The following ANO4 variants were observed in gnomAD, a reference collection of about 807,000 sequenced individuals.
ANO4 encodes anoctamin-4.
ANO4 carries 69 observed loss-of-function variants against 141.9 expected under a neutral mutation model. That is an observed-to-expected ratio of 0.49 (90% CI 0.40 to 0.59). The LOEUF (loss-of-function observed/expected upper bound fraction) is 0.59. ANO4 is among the 20% of genes least tolerant of loss of function. The probability of loss-of-function intolerance (pLI) is 0.00; values close to 1 mark genes in which losing one functional copy is unlikely to be tolerated. For synonymous variants in ANO4, 350 were observed against 394.3 expected (o/e 0.89, Z 1.33); for missense variants, 894 against 1,162.2 (o/e 0.77, Z 3.36).
intron 3 of ANO4, among the ~76,000 whole-genome samples, chr12:100,762,474 C>T (rs1353970801): frequency 6.6e-6 from 1 of 152,166 alleles, no homozygotes. Context: ...TTTGACTAGA[C>T]TACCTTTTCC....
chr12:100,820,538 G>A (rs901916107), intron 1 of ANO4, among the ~76,000 whole-genome samples: 2 of 151,872 alleles, frequency 1.3e-5, no homozygotes, highest in South Asian at 2.1e-4. Flanking sequence ...AATGTAAGTC[G>A]GCAAGCTTAT....
chr12:101,054,930 G>C (rs4764633), intron 14 of ANO4, among the ~76,000 whole-genome samples: 20,774 of 152,184 alleles, frequency 0.14, 1,546 homozygotes, highest in Non-Finnish European at 0.15. Context: ...ATAGCATTTT[G>C]TGTCTGGCTA....
At chr12:100,734,521 C>T (rs895806685) in intron 2 of ANO4, among the ~76,000 whole-genome samples, 1 of 152,192 alleles carries the variant, frequency 6.6e-6, no homozygotes, top group Non-Finnish European at 1.5e-5. Context: ...GCTTATTTTG[C>T]ACTTATTGCC....
At chr12:100,724,011 C>CA (rs1192087020) in intron 1 of ANO4, among the ~76,000 whole-genome samples, 2 of 109,846 alleles carry the variant, frequency 1.8e-5, no homozygotes, top group African/African-American at 9.2e-5. Flanking sequence ...GGAAGCAAAA[C>CA]AAAAACAAAC....
chr12:100,924,563 G>A lies in ANO4; in HGVS notation c.160+2233G>A, dbSNP rs554460116. On this transcript the variant is annotated intron_variant, in intron 3 of 27. Transcript: ENST00000392977. Reference sequence around the variant, plus strand: ...TATAAGGGGATCAGCTATTTATTCCGGTTGAACAATCCCTTTATATTACAT... The same window carrying A: ...TATAAGGGGATCAGCTATTTATTCCAGTTGAACAATCCCTTTATATTACAT... Among the ~76,000 whole-genome samples, 8 of 152,052 alleles carry A rather than the reference G, an allele frequency of 5.3e-5. No homozygotes were observed. In the East Asian group the frequency reaches 9.7e-4, roughly 18 times the overall value.
At chr12:100,955,262 G>A (rs491847) in intron 5 of ANO4, among the ~76,000 whole-genome samples, 40,448 of 152,184 alleles carry the variant, frequency 0.27, 6,123 homozygotes, top group Admixed American at 0.4. Flanking sequence ...GCTTCCGTCT[G>A]CTCCATAGGA....
chr12:100,858,380 G>A (rs10778083), intron 1 of ANO4, among the ~76,000 whole-genome samples: 92,596 of 151,834 alleles, frequency 0.61, 28,405 homozygotes, highest in East Asian at 0.7. Flanking sequence ...TTATGGGACC[G>A]CCATCATATA....
At chr12:100,855,583 GTTTGT>G (rs2038123148) in intron 1 of ANO4, among the ~76,000 whole-genome samples, 1 of 152,104 alleles carries the variant, frequency 6.6e-6, no homozygotes, top group Admixed American at 6.6e-5. Flanking sequence ...TACTTACAGA[GTTTGT>G]TTTCTGTTTT....
intron 15 of ANO4, among the ~76,000 whole-genome samples, chr12:101,082,587 G>C (rs2049327520): frequency 6.6e-6 from 1 of 152,194 alleles, no homozygotes; most frequent in Non-Finnish European, 1.5e-5. Flanking sequence ...ATGAAAGACA[G>C]AGCCTGCTCC....
At chr12:100,739,968 G>T (rs1171888656) in exon 3 of ANO4, 12 of 702,358 alleles carry the variant, frequency 1.7e-5, no homozygotes, top group Non-Finnish European at 2.6e-5. Context: ...AAAGATGCAG[G>T]CATCCCTGTG....
Position 100,971,349 on chromosome 12 carries a change from C to T in ANO4, c.500C>T (p.Ala167Val). 3 of 1,611,856 alleles carry T rather than the reference C, an allele frequency of 1.9e-6. No homozygotes were observed. Among genetic ancestry groups the T allele is most frequent in the Non-Finnish European group, 2.5e-6 (3 of 1,178,392 alleles). Reference sequence around the variant, plus strand: ...GACATTATCTTTGTGAAGTTGCATGCCCCATGGGAAGTCCTTGGAAGATAT... The same window carrying T: ...GACATTATCTTTGTGAAGTTGCATGTCCCATGGGAAGTCCTTGGAAGATAT... ...NSDIIFVKLH[A>V]PWEVLGRYAE... is the part of the protein sequence containing the mutation. The change falls in exon 6 of 28, where the codon GCC becomes GTC. Residue 167 changes from alanine (A) to valine (V), a missense_variant. Ala to Val is a moderately conservative substitution (Grantham distance 64). Around this residue, in one of 2 missense-constraint regions of ANO4, gnomAD observed 257 missense variants for 253.0 expected, o/e 1.02. Coordinates refer to ENST00000392977, the MANE Select transcript of ANO4 (RefSeq NM_001286615.2).
chr12:101,079,121 T>C, intron 14 of ANO4, 72 bp from the exon 15 acceptor site: 1 of 1,306,424 alleles, frequency 7.7e-7, no homozygotes, highest in South Asian at 1.2e-5. Context: ...GGCTTCATTA[T>C]TCAGTGACAC....
At chr12:100,853,420 A>G (rs970957783) in intron 1 of ANO4, among the ~76,000 whole-genome samples, 1 of 152,110 alleles carries the variant, frequency 6.6e-6, no homozygotes, top group Admixed American at 6.6e-5. Context: ...TTTTACCTTC[A>G]TATTTATTAA....
intron 1 of ANO4, among the ~76,000 whole-genome samples, chr12:100,836,941 A>G (rs908489011): frequency 1.3e-5 from 2 of 152,148 alleles, no homozygotes; most frequent in Non-Finnish European, 2.9e-5. Context: ...CAGGTCTAGA[A>G]CTCACAAGGG....
chr12:101,050,843 A>C (rs573190040), intron 14 of ANO4, among the ~76,000 whole-genome samples: 64 of 152,278 alleles, frequency 4.2e-4, no homozygotes, highest in African/African-American at 1.5e-3. Context: ...TGAAAGGGGC[A>C]TTATTGTTAT....
chr12:100,733,651 A>G, intron 1 of ANO4: 1 of 593,508 alleles, frequency 1.7e-6, no homozygotes, highest in Non-Finnish European at 3.0e-6. Context: ...CTGAATGAGT[A>G]TGAGACTACC....
At chr12:101,032,625 AAAAC>A (rs1215653656) in intron 9 of ANO4, among the ~76,000 whole-genome samples, 2 of 152,292 alleles carry the variant, frequency 1.3e-5, no homozygotes, top group Admixed American at 6.5e-5. Flanking sequence ...TTACAAGGAA[AAAAC>A]AAACAACCCC....
intron 14 of ANO4, among the ~76,000 whole-genome samples, chr12:101,054,656 C>T (rs906358452): frequency 4.6e-5 from 7 of 152,150 alleles, no homozygotes; most frequent in Non-Finnish European, 7.4e-5. Flanking sequence ...CCCGCCACCA[C>T]GCCCAGCTAA....
At chr12:100,949,810 G>C (rs1489141138) in intron 5 of ANO4, among the ~76,000 whole-genome samples, 3 of 152,114 alleles carry the variant, frequency 2.0e-5, no homozygotes, top group Non-Finnish European at 4.4e-5. Flanking sequence ...GAGAGGATTT[G>C]GTTTTAGATT....
Sources: gnomAD v4.1 joint callset for allele counts (sites outside exome capture counted in the v4.1 genomes callset) on GRCh38, gnomAD v4.1.1 for gene constraint, gnomAD v4.1.1 regional missense constraint, MANE v1.5 for transcripts, NCBI Gene and HGNC (gene_info 2026-07-23, HGNC 2026-07-21) for gene names.